Variants in CTNNA3 observed in about 807,000 individuals in gnomAD.
The protein encoded by CTNNA3 is catenin alpha-3.
Under a neutral mutation model 95.7 loss-of-function variants are expected in CTNNA3, and 76 were observed. That is an observed-to-expected ratio of 0.79 (90% confidence interval 0.66 to 0.96). CTNNA3 has a LOEUF of 0.96. CTNNA3 is among the 40% of genes least tolerant of loss of function. The pLI, the probability that CTNNA3 is intolerant of heterozygous loss-of-function variation, is 0.00. For synonymous variants in CTNNA3, 431 were observed against 374.4 expected, an observed-to-expected ratio of 1.15 and a Z score of -1.74; for missense variants, 1,191 against 1,089.8, an observed-to-expected ratio of 1.09 and a Z score of -1.31.
intron 11 of CTNNA3, among the ~76,000 whole-genome samples, chr10:66,398,930 A>G (rs2092999941): frequency 6.6e-6 from 1 of 151,922 alleles, no homozygotes; most frequent in Non-Finnish European, 1.5e-5. Context: ...TGCATGAAAA[A>G]CAGATTCACA....
rs141037883 is a variant in CTNNA3, at chr10:67,656,863, T to C, written c.-5-9345A>G. Among the ~76,000 whole-genome samples the C allele has an allele frequency of 3.5e-3, 531 of 152,030 alleles. 4 individuals are homozygous for C. Among genetic ancestry groups the C allele is most frequent in the African/African-American group, 0.012 (489 of 41,486 alleles). On this transcript the variant is annotated intron_variant, in intron 1 of 17. Coordinates refer to ENST00000433211, the MANE Select transcript of CTNNA3 (RefSeq NM_013266.4). ...ATAGTAAGAGAGAAAGTCAGAAAGGTATGGAGGCTGCAGATCATAAGAACT... is the reference window on the plus strand; with the variant it reads ...ATAGTAAGAGAGAAAGTCAGAAAGGCATGGAGGCTGCAGATCATAAGAACT...
intron 5 of CTNNA3, among the ~76,000 whole-genome samples, chr10:67,400,673 A>G (rs2132805623): frequency 6.6e-6 from 1 of 152,334 alleles, no homozygotes; most frequent in African/African-American, 2.4e-5. Context: ...TACACAAACA[A>G]GTAAATTTTA....
intron 7 of CTNNA3, among the ~76,000 whole-genome samples, chr10:66,912,012 TTAAC>T (rs1486372917): frequency 1.3e-5 from 2 of 152,170 alleles, no homozygotes; most frequent in African/African-American, 2.4e-5. Context: ...TTTCATGACT[TTAAC>T]TAAATAGAAA....
chr10:66,590,833 T>C (rs1164001678), intron 10 of CTNNA3, among the ~76,000 whole-genome samples: 1 of 152,020 alleles, frequency 6.6e-6, no homozygotes, highest in Admixed American at 6.6e-5. Context: ...ATGCATTTGA[T>C]TAATAGAGGG....
chr10:66,933,106 G>A (rs961582550), intron 7 of CTNNA3, among the ~76,000 whole-genome samples: 3 of 152,168 alleles, frequency 2.0e-5, no homozygotes, highest in African/African-American at 7.2e-5. Flanking sequence ...TTTTCAAAAA[G>A]CCCTTAGTGA....
chr10:67,322,632 A>C (rs1297167477), intron 5 of CTNNA3, among the ~76,000 whole-genome samples: 1 of 152,198 alleles, frequency 6.6e-6, no homozygotes, highest in Non-Finnish European at 1.5e-5. Flanking sequence ...ATTCATAGGC[A>C]TTTAGGTTTA....
At chr10:66,850,124 G>GA (rs982222785) in intron 7 of CTNNA3, among the ~76,000 whole-genome samples, 1 of 151,862 alleles carries the variant, frequency 6.6e-6, no homozygotes, top group African/African-American at 2.4e-5. Flanking sequence ...AAATAAAGAA[G>GA]AAAAACAACA....
intron 7 of CTNNA3, among the ~76,000 whole-genome samples, chr10:66,840,364 TCTCTCTCTCACACACACACA>T (rs1225208546): frequency 3.1e-3 from 292 of 92,884 alleles, no homozygotes; most frequent in Non-Finnish European, 5.2e-3. Context: ...TCTCTCTCTC[TCTCTCTCTCACACACACACA>T]CACACACACA....
intron 13 of CTNNA3, among the ~76,000 whole-genome samples, chr10:66,220,497 G>T (rs1484770583): frequency 6.6e-6 from 1 of 152,152 alleles, no homozygotes; most frequent in Non-Finnish European, 1.5e-5. Context: ...GAGCTGAAGA[G>T]GGTGTGTGAT....
chr10:67,397,233 G>A (rs1466125978), intron 5 of CTNNA3, among the ~76,000 whole-genome samples: 2 of 152,150 alleles, frequency 1.3e-5, no homozygotes, highest in Non-Finnish European at 2.9e-5. Flanking sequence ...AGACAGGAAG[G>A]TGTGGGAAAG....
At chr10:66,170,138 A>G (rs2085340573) in intron 13 of CTNNA3, among the ~76,000 whole-genome samples, 1 of 150,828 alleles carries the variant, frequency 6.6e-6, no homozygotes, top group Admixed American at 6.6e-5. Flanking sequence ...ATCTTCTACA[A>G]TTTTTATAGT....
At chr10:66,630,166 A>C (rs561699056) in intron 9 of CTNNA3, among the ~76,000 whole-genome samples, 1 of 152,284 alleles carries the variant, frequency 6.6e-6, no homozygotes, top group South Asian at 2.1e-4. Context: ...GAATGAATGC[A>C]TGAATGCCTG....
At chr10:67,700,368 G>A (rs965932230), upstream of CTNNA3, among the ~76,000 whole-genome samples, 6 of 152,194 alleles carry the variant, frequency 3.9e-5, no homozygotes, top group Non-Finnish European at 8.8e-5. Flanking sequence ...CTAACTGGGA[G>A]GCACCCCCCA....
chr10:66,387,992 G>A (rs140685477), intron 11 of CTNNA3, among the ~76,000 whole-genome samples: 2,956 of 152,144 alleles, frequency 0.019, 110 homozygotes, highest in African/African-American at 0.069. Flanking sequence ...AACACCTAAT[G>A]TAAATTATGA....
intron 10 of CTNNA3, among the ~76,000 whole-genome samples, chr10:66,525,003 C>T (rs2939917): frequency 0.82 from 124,882 of 151,658 alleles, 51,599 homozygotes; most frequent in Middle Eastern, 0.91. Context: ...GAGCCGAGAT[C>T]GCACCATTGT....
intron 11 of CTNNA3, among the ~76,000 whole-genome samples, chr10:66,398,506 A>G (rs182491735): frequency 6.6e-6 from 1 of 152,024 alleles, no homozygotes; most frequent in East Asian, 1.9e-4. Flanking sequence ...CGCATAGAAC[A>G]CACAACCATA....
intron 4 of CTNNA3, among the ~76,000 whole-genome samples, chr10:67,531,946 C>T (rs973532488): frequency 1.3e-5 from 2 of 152,092 alleles, no homozygotes; most frequent in African/African-American, 4.8e-5. Context: ...CACAAGCTCT[C>T]TCTTTGCCTG....
chr10:66,459,170 T>C (rs1018428733), intron 11 of CTNNA3, among the ~76,000 whole-genome samples: 3 of 152,190 alleles, frequency 2.0e-5, no homozygotes, highest in Admixed American at 6.6e-5. Context: ...TAATGAATAG[T>C]ACATATATGT....
At chr10:67,345,704 GTCTA>G (rs1369603101) in intron 5 of CTNNA3, among the ~76,000 whole-genome samples, 1 of 151,592 alleles carries the variant, frequency 6.6e-6, no homozygotes, top group African/African-American at 2.4e-5. Flanking sequence ...TTTATTTTTA[GTCTA>G]TCTGTGTCTT....
Sources: allele counts gnomAD v4.1 joint callset (sites outside exome capture counted in the v4.1 genomes callset), GRCh38; gene constraint gnomAD v4.1.1; transcripts MANE v1.5; gene names NCBI Gene and HGNC (gene_info 2026-07-23, HGNC 2026-07-21).